TENM3: variants seen among roughly 807,000 people sequenced by gnomAD.
The protein encoded by TENM3 is teneurin transmembrane protein 3.
A neutral mutation model predicts 255.1 loss-of-function variants in TENM3; 63 were observed. That is an observed-to-expected ratio of 0.25 (90% CI 0.20 to 0.30). The LOEUF is 0.30. Among genes scored for constraint, TENM3 ranks in the 10% least tolerant of loss-of-function variants. The pLI is 1.00. For synonymous variants in TENM3, 1,306 were observed against 1,322.3 expected (o/e 0.99, Z 0.27); for missense variants, 2,929 against 3,461.1 (o/e 0.85, Z 3.86).
chr4:182,306,748 T>C (rs1317361756), intron 1 of TENM3, among the ~76,000 whole-genome samples: 1 of 152,194 alleles, frequency 6.6e-6, no homozygotes, highest in East Asian at 1.9e-4. Flanking sequence ...AAGTTGTACA[T>C]ACTAGAAAGG....
chr4:182,131,310 GC>G, the TENM3 span, among the ~76,000 whole-genome samples: 2 of 152,078 alleles, frequency 1.3e-5, no homozygotes, highest in Non-Finnish European at 2.9e-5. Flanking sequence ...AATACGTTTC[GC>G]CACACTACTA....
chr4:182,285,587 T>G (rs1357187572), intron 1 of TENM3, among the ~76,000 whole-genome samples: 1 of 152,126 alleles, frequency 6.6e-6, no homozygotes, highest in Non-Finnish European at 1.5e-5. Context: ...CTCTAGAAGG[T>G]GCATGAGGAA....
the TENM3 span, among the ~76,000 whole-genome samples, chr4:181,781,726 G>A: frequency 6.6e-6 from 1 of 152,082 alleles, no homozygotes; most frequent in Non-Finnish European, 1.5e-5. Flanking sequence ...TCCAGTTTTT[G>A]CCTATTCTGT....
At chr4:182,240,255 C>T (rs1757157025), upstream of TENM3, among the ~76,000 whole-genome samples, 1 of 152,102 alleles carries the variant, frequency 6.6e-6, no homozygotes, top group Non-Finnish European at 1.5e-5. Flanking sequence ...AATAGGCCTG[C>T]TTGTGTTGGG....
the TENM3 span, among the ~76,000 whole-genome samples, chr4:182,105,589 C>T: frequency 2.0e-5 from 3 of 152,298 alleles, no homozygotes; most frequent in African/African-American, 7.2e-5. Flanking sequence ...GCCGAGGCTG[C>T]GGAAGTACCA....
chr4:181,729,154 A>G, the TENM3 span, among the ~76,000 whole-genome samples: 3 of 152,230 alleles, frequency 2.0e-5, no homozygotes, highest in Non-Finnish European at 4.4e-5. Flanking sequence ...AATTCTGTAC[A>G]TAATTCTGTG....
the TENM3 span, among the ~76,000 whole-genome samples, chr4:181,956,099 A>G: frequency 6.6e-6 from 1 of 152,238 alleles, no homozygotes; most frequent in East Asian, 1.9e-4. Flanking sequence ...CCTGGTTTCT[A>G]GACAGTGCCT....
chr4:182,277,351 TG>T (rs145012242), intron 1 of TENM3, among the ~76,000 whole-genome samples: 2,573 of 149,954 alleles, frequency 0.017, 41 homozygotes, highest in Non-Finnish European at 0.024. Context: ...AGTTGGGGGG[TG>T]GGGGTTGTTG....
At chr4:181,597,704 A>G in the TENM3 span, among the ~76,000 whole-genome samples, 3 of 152,200 alleles carry the variant, frequency 2.0e-5, no homozygotes, top group Non-Finnish European at 4.4e-5. Context: ...GTTGTTTTGA[A>G]ACACACTGGG....
intron 22 of TENM3, among the ~76,000 whole-genome samples, chr4:182,760,863 A>AG (rs1219262072): frequency 2.0e-5 from 3 of 152,226 alleles, no homozygotes; most frequent in African/African-American, 7.2e-5. Context: ...GGATCCCCGA[A>AG]GAGGAAAGAC....
chr4:182,257,210 A>G (rs1758459566), intron 1 of TENM3, among the ~76,000 whole-genome samples: 1 of 152,160 alleles, frequency 6.6e-6, no homozygotes, highest in African/African-American at 2.4e-5. Flanking sequence ...TTCTTAGGCG[A>G]TGTTGATGTT....
At chr4:181,454,695 G>GTTTTTT in the TENM3 span, among the ~76,000 whole-genome samples, 7 of 18,696 alleles carry the variant, frequency 3.7e-4, no homozygotes, top group Non-Finnish European at 5.4e-4. Flanking sequence ...TTTTTTTCTG[G>GTTTTTT]TGTGCCTTTT....
the TENM3 span, among the ~76,000 whole-genome samples, chr4:181,888,548 A>ATATATATATATATATG: frequency 1.0e-5 from 1 of 99,980 alleles, no homozygotes; most frequent in African/African-American, 4.0e-5. Context: ...ATATATATAT[A>ATATATATATATATATG]TGTATATATA....
At chr4:182,744,116 T>TTA (rs1491399810) in intron 19 of TENM3, 4 of 777,102 alleles carry the variant, frequency 5.1e-6, no homozygotes, top group Non-Finnish European at 6.2e-6. Context: ...TTTTTTTTTT[T>TTA]ACCTTTTTTT....
At chr4:182,334,917 A>G (rs1414467663) in intron 2 of TENM3, among the ~76,000 whole-genome samples, 1 of 152,204 alleles carries the variant, frequency 6.6e-6, no homozygotes, top group Non-Finnish European at 1.5e-5. Flanking sequence ...ACTGAAGAGA[A>G]TCATTTTCTT....
chr4:182,383,651 C>G (rs934412436), intron 3 of TENM3, among the ~76,000 whole-genome samples: 2 of 151,938 alleles, frequency 1.3e-5, no homozygotes, highest in African/African-American at 4.8e-5. Context: ...TTGGAATCCT[C>G]GGTGTCTTAT....
intron 3 of TENM3, among the ~76,000 whole-genome samples, chr4:182,474,122 A>G (rs1190437525): frequency 3.9e-5 from 6 of 152,120 alleles, no homozygotes; most frequent in Admixed American, 3.3e-4. Context: ...GCTCTTCTGT[A>G]GGTACCAGAT....
intron 26 of TENM3, among the ~76,000 whole-genome samples, chr4:182,795,753 T>G (rs983669265): frequency 6.6e-6 from 1 of 152,218 alleles, no homozygotes; most frequent in African/African-American, 2.4e-5. Flanking sequence ...GGGAATGCCA[T>G]AGCAGCATTT....
chr4:181,904,657 C>A, the TENM3 span, among the ~76,000 whole-genome samples: 3 of 152,310 alleles, frequency 2.0e-5, no homozygotes, highest in African/African-American at 7.2e-5. Context: ...ACACTCTGTC[C>A]TCGCTGCCAG....
Sources: allele counts gnomAD v4.1 joint callset (sites outside exome capture counted in the v4.1 genomes callset), GRCh38; gene constraint gnomAD v4.1.1; transcripts MANE v1.5; gene names NCBI Gene and HGNC (gene_info 2026-07-23, HGNC 2026-07-21).